BRCC3: variants seen among roughly 807,000 people sequenced by gnomAD.
BRCC3 encodes BRCA1/BRCA2-containing complex subunit 3.
In BRCC3, 15 loss-of-function variants were observed where a neutral mutation model predicts 28.0. The observed-to-expected ratio is 0.54, with a 90% CI of 0.36 to 0.82. The LOEUF (loss-of-function observed/expected upper bound fraction) is 0.82. Ranked by LOEUF, BRCC3 falls within the 40% of genes least tolerant of loss-of-function variation. The pLI is 0.01. For missense variants in BRCC3, 109 were observed against 225.9 expected, an observed-to-expected ratio of 0.48 and a Z score of 3.32; for synonymous variants, 66 against 80.3, an observed-to-expected ratio of 0.82 and a Z score of 0.95.
At position 155,105,105 on chromosome X, in the gene BRCC3, A is replaced by G. The variant is rs190309060; in HGVS notation, c.549-10952A>G. Among the ~76,000 whole-genome samples the G allele has an allele frequency of 1.8e-4, 20 of 112,292 alleles. No homozygotes were observed. The East Asian group carries it at 5.3e-3, about 30-fold the overall frequency. ...AAAGTCAAAAGTCAGAACTATATAGAGTTAATTTTGTATAGACTAAGATAT... is the reference window on the plus strand; with the variant it reads ...AAAGTCAAAAGTCAGAACTATATAGGGTTAATTTTGTATAGACTAAGATAT... On this transcript the variant is annotated intron_variant, in intron 7 of 10. Transcript: ENST00000330045.
intron 7 of BRCC3, among the ~76,000 whole-genome samples, chrX:155,108,427 T>C (rs2074298277): frequency 8.9e-6 from 1 of 112,488 alleles, no homozygotes; most frequent in Admixed American, 9.4e-5. Flanking sequence ...TGTGAATGCA[T>C]ATCTTTTCAG....
At chrX:155,106,856 T>C (rs1267498599) in intron 7 of BRCC3, among the ~76,000 whole-genome samples, 1 of 112,221 alleles carries the variant, frequency 8.9e-6, no homozygotes, top group African/African-American at 3.2e-5. Flanking sequence ...GGGGTCAATT[T>C]TGGTACAGTT....
chrX:155,114,074 G>T (rs1035707316), intron 7 of BRCC3, among the ~76,000 whole-genome samples: 6 of 111,034 alleles, frequency 5.4e-5, no homozygotes, highest in Non-Finnish European at 9.5e-5. Context: ...CCTAAAAATA[G>T]ATCTACTATA....
At chrX:155,085,968 TC>T (rs782693469) in intron 5 of BRCC3, among the ~76,000 whole-genome samples, 42 of 111,984 alleles carry the variant, frequency 3.8e-4, no homozygotes, top group Non-Finnish European at 7.5e-4. Flanking sequence ...TAAGGGTTCT[TC>T]AGACAAAATG....
intron 2 of BRCC3, 137 bp downstream of exon 2, chrX:155,072,480 A>T: frequency 2.1e-6 from 1 of 475,655 alleles, no homozygotes; most frequent in Non-Finnish European, 3.6e-6. Flanking sequence ...TCCCTTAATG[A>T]TACAACCTTG....
intron 3 of BRCC3, among the ~76,000 whole-genome samples, chrX:155,076,025 G>C (rs1324414156): frequency 8.9e-6 from 1 of 111,967 alleles, no homozygotes; most frequent in Non-Finnish European, 1.9e-5. Flanking sequence ...TTCTTTTTTA[G>C]ATTCATATTC....
intron 5 of BRCC3, 80 bp from the exon 6 acceptor site, chrX:155,089,183 C>CT: frequency 1.5e-6 from 1 of 672,571 alleles, no homozygotes; most frequent in Non-Finnish European, 2.3e-6. Context: ...ATCTTTAAAT[C>CT]TTTAAGTCAA....
At chrX:155,111,733 G>A (rs1224196547) in intron 7 of BRCC3, among the ~76,000 whole-genome samples, 4 of 87,052 alleles carry the variant, frequency 4.6e-5, no homozygotes, top group Non-Finnish European at 8.6e-5. Context: ...AATGCACAAG[G>A]GAGAAAGGAA....
intron 7 of BRCC3, among the ~76,000 whole-genome samples, chrX:155,100,645 A>T (rs1265428633): frequency 3.6e-5 from 4 of 112,240 alleles, no homozygotes; most frequent in Non-Finnish European, 7.5e-5. Flanking sequence ...CAGGAGGCAC[A>T]TGTCAATTTG....
At chrX:155,086,584 CAT>C (rs1470912708) in intron 5 of BRCC3, among the ~76,000 whole-genome samples, 2 of 110,419 alleles carry the variant, frequency 1.8e-5, no homozygotes, top group African/African-American at 6.6e-5. Flanking sequence ...GTCTCAAACT[CAT>C]GACCTCAGGT....
At chrX:155,072,432 A>G (rs781815395) in intron 2 of BRCC3, 89 bp downstream of exon 2, 13 of 717,000 alleles carry the variant, frequency 1.8e-5, no homozygotes, top group Non-Finnish European at 2.8e-5. Flanking sequence ...TTGTGTCCGG[A>G]TCGTGTCTTA....
intron 10 of BRCC3, 99 bp downstream of exon 10, chrX:155,120,267 A>G (rs1042813731): frequency 4.7e-6 from 3 of 638,843 alleles, no homozygotes; most frequent in Non-Finnish European, 7.4e-6. Flanking sequence ...TTCACATGCA[A>G]TCAGCACAGG....
At position 155,081,874 on chromosome X, in the gene BRCC3, G is replaced by A. The variant is rs376342905; in HGVS notation, c.403+3171G>A. On this transcript the variant is annotated intron_variant, in intron 5 of 10. Coordinates refer to ENST00000330045, the MANE Select transcript of BRCC3 (RefSeq NM_001018055.3). ...GAATAATAAGGTCATGGCTCCTGCTGTCCTGGACCTTAATGATTTTGTTGG... is the reference window on the plus strand; with the variant it reads ...GAATAATAAGGTCATGGCTCCTGCTATCCTGGACCTTAATGATTTTGTTGG... 8.1e-5 allele frequency among the ~76,000 whole-genome samples: 9 copies of A among 111,643 alleles called. No homozygotes were observed. In the East Asian group the frequency reaches 1.7e-3, roughly 21 times the overall value.
intron 3 of BRCC3, among the ~76,000 whole-genome samples, chrX:155,074,452 A>G (rs781814241): frequency 6.4e-4 from 71 of 111,292 alleles, no homozygotes; most frequent in African/African-American, 2.1e-3. Context: ...TTGAATCTCT[A>G]AACTCTCATG....
intron 2 of BRCC3, 31 bp from the exon 3 acceptor site, chrX:155,073,346 C>A: frequency 1.7e-6 from 2 of 1,145,238 alleles, no homozygotes; most frequent in Non-Finnish European, 2.3e-6. Context: ...AACCCCACTT[C>A]CTTTTTTTTT....
At chrX:155,093,836 A>G (rs2074191745) in intron 7 of BRCC3, among the ~76,000 whole-genome samples, 1 of 109,065 alleles carries the variant, frequency 9.2e-6, no homozygotes, top group Non-Finnish European at 1.9e-5. Context: ...CTTTTTACTC[A>G]TATTTTCTGT....
chrX:155,074,972 T>G (rs1430145792), intron 3 of BRCC3, among the ~76,000 whole-genome samples: 1 of 112,226 alleles, frequency 8.9e-6, no homozygotes, highest in South Asian at 3.6e-4. Context: ...ACGAATGTGA[T>G]CCATATACAT....
At chrX:155,102,341 T>G (rs2124287423) in intron 7 of BRCC3, among the ~76,000 whole-genome samples, 1 of 112,596 alleles carries the variant, frequency 8.9e-6, no homozygotes, top group Non-Finnish European at 1.9e-5. Flanking sequence ...TTTCATGTAT[T>G]TATATTATTG....
intron 2 of BRCC3, 33 bp downstream of exon 2, chrX:155,072,376 A>C (rs1266726631): frequency 7.1e-6 from 8 of 1,130,892 alleles, no homozygotes; most frequent in Non-Finnish European, 9.7e-6. Flanking sequence ...ATATCTTATA[A>C]TCTCTAAGTC....
Sources: gnomAD v4.1 joint callset for allele counts (sites outside exome capture counted in the v4.1 genomes callset) on GRCh38, gnomAD v4.1.1 for gene constraint, MANE v1.5 for transcripts, NCBI Gene and HGNC (gene_info 2026-07-23, HGNC 2026-07-21) for gene names.